FLYWCH1: variants seen among roughly 807,000 people sequenced by gnomAD.
FLYWCH1 encodes FLYWCH-type zinc finger 1.
Under a neutral mutation model 66.4 loss-of-function variants are expected in FLYWCH1, and 75 were observed. That is an observed-to-expected ratio of 1.13 (90% confidence interval 0.94 to 1.37). The LOEUF (loss-of-function observed/expected upper bound fraction) is 1.37, where lower values mean the gene tolerates loss of function less well. Among genes scored for constraint, FLYWCH1 ranks in the 40% most tolerant of loss-of-function variants. FLYWCH1 has a pLI of 0.00. For missense variants in FLYWCH1, 1,334 were observed against 1,001.8 expected, an observed-to-expected ratio of 1.33 and a Z score of -4.48; for synonymous variants, 595 against 429.9, an observed-to-expected ratio of 1.38 and a Z score of -4.75.
chr16:2,929,815 C>G lies in FLYWCH1; in HGVS notation c.130C>G (p.Leu44Val). The G allele has an allele frequency of 6.2e-7, 1 of 1,613,996 alleles. No individual in the cohort carries two copies. Among genetic ancestry groups the G allele is most frequent in the Non-Finnish European group, 8.5e-7 (1 of 1,179,894 alleles). ...GCCCAGGGAGTTCTCCAAACTGGTG[C>G]TGCTCACAGCCTCCGACCAAGATGA... ...RKPREFSKLV[L>V]LTASDQDEDG... Residue 44 changes from leucine to valine, a missense_variant, in exon 3 of 10, where the codon CTG (leucine) becomes GTG (valine). By Grantham distance (32) the Leu-to-Val change is conservative. Coordinates refer to ENST00000253928, the MANE Select transcript of FLYWCH1 (RefSeq NM_001308068.2).
At position 2,931,728 on chromosome 16, in the gene FLYWCH1, C is replaced by T. The variant is rs891431670; in HGVS notation, c.796+848C>T. The stretch of plus-strand genomic sequence containing the variant: ...TTCATGCCTGTAATCTCAGCACTTT[C>T]GGAGGCTGAGGTGGGCGGATCATGA... On this transcript the variant is annotated intron_variant, in intron 4 of 9. Coordinates refer to ENST00000253928, the MANE Select transcript of FLYWCH1 (RefSeq NM_001308068.2). 3.3e-5 allele frequency among the ~76,000 whole-genome samples: 5 copies of T among 151,168 alleles called. No individual in the cohort carries two copies. The East Asian group carries it at 7.9e-4, about 24-fold the overall frequency.
chr16:2,939,809 C>A (rs2071184110), intron 8 of FLYWCH1: 3 of 447,440 alleles, frequency 6.7e-6, no homozygotes, highest in Non-Finnish European at 1.2e-5. Context: ...TAGTTGACCC[C>A]CACTATTTTC....
At chr16:2,921,208 A>T (rs1245698462) in intron 2 of FLYWCH1, among the ~76,000 whole-genome samples, 1 of 152,190 alleles carries the variant, frequency 6.6e-6, no homozygotes, top group Non-Finnish European at 1.5e-5. Flanking sequence ...CTCCATCTAA[A>T]GTCTACAATT....
intron 2 of FLYWCH1, among the ~76,000 whole-genome samples, chr16:2,926,632 C>G (rs754599299): frequency 3.3e-5 from 5 of 152,210 alleles, no homozygotes; most frequent in African/African-American, 9.6e-5. Flanking sequence ...AGAGCCCTAC[C>G]CTGACTTTGT....
chr16:2,933,603 G>A lies in FLYWCH1; in HGVS notation c.1249+21G>A, dbSNP rs889642115. On this transcript the variant is annotated intron_variant, in intron 5 of 9. Transcript: ENST00000253928. ...CCCGGGTGAGCTGCCTTCCTTTGGG[G>A]CTCACCGGCCCTGCCTTGACTCTTG... The A allele has an allele frequency of 3.2e-6, 5 of 1,572,904 alleles. 1 individual carries two copies. The South Asian group carries it at 3.6e-5, about 11-fold the overall frequency.
At chr16:2,936,713 C>T in intron 6 of FLYWCH1, 1 of 471,030 alleles carries the variant, frequency 2.1e-6, no homozygotes, top group South Asian at 1.5e-5. Context: ...CTCTCGGGGG[C>T]CACCCCTCTC....
intron 8 of FLYWCH1, chr16:2,939,651 G>A (rs1038125428): frequency 3.5e-5 from 7 of 198,704 alleles, no homozygotes; most frequent in South Asian, 2.5e-4. Flanking sequence ...AGGCTGCAGT[G>A]AGCCATGCAC....
chr16:2,926,465 T>C (rs2150931793), intron 2 of FLYWCH1, among the ~76,000 whole-genome samples: 1 of 152,332 alleles, frequency 6.6e-6, no homozygotes, highest in East Asian at 1.9e-4. Context: ...GAATGGAAAG[T>C]TCACATTGTA....
At chr16:2,940,628 G>T (rs2071221703) in intron 9 of FLYWCH1, among the ~76,000 whole-genome samples, 1 of 152,128 alleles carries the variant, frequency 6.6e-6, no homozygotes, top group South Asian at 2.1e-4. Context: ...TAGAGATAGG[G>T]TTTTATCATG....
chr16:2,930,359 G>C (rs563596574), intron 3 of FLYWCH1, 51 bp from the exon 4 acceptor site: 60 of 1,196,712 alleles, frequency 5.0e-5, no homozygotes, highest in Non-Finnish European at 6.4e-5. Context: ...CTGTGCCTGC[G>C]ACCCTGAGCT....
chr16:2,945,108 G>A (rs1391991332), intron 9 of FLYWCH1, among the ~76,000 whole-genome samples: 2 of 152,010 alleles, frequency 1.3e-5, no homozygotes, highest in African/African-American at 4.8e-5. Context: ...CCAGCACTTT[G>A]GGAGGCTGAG....
intron 9 of FLYWCH1, among the ~76,000 whole-genome samples, chr16:2,943,795 G>C (rs2071367662): frequency 6.6e-6 from 1 of 152,040 alleles, no homozygotes; most frequent in Non-Finnish European, 1.5e-5. Flanking sequence ...AAATTAGCCA[G>C]GCGTGGTGGC....
chr16:2,933,331 C>T lies in FLYWCH1; in HGVS notation c.998C>T (p.Pro333Leu), dbSNP rs1409355991. The change falls in exon 5 of 10, where the codon CCC becomes CTC. Residue 333 changes from proline (P) to leucine (L), a missense_variant. Physicochemically the swap from Pro to Leu is moderately conservative, Grantham distance 98. Transcript: ENST00000253928. ...GTGATGCGTGGGCACTGCCACCAGC[C>T]CGATATGGAGGGCCTGGAAGCCCGG... is the stretch of plus-strand genomic sequence containing the variant. ...VTVMRGHCHQ[P>L]DMEGLEARRQ... 6.2e-7 allele frequency: 1 copy of T among 1,609,296 alleles called. No homozygotes were observed. The highest frequency in any genetic ancestry group is 8.5e-7 in the Non-Finnish European group (1 of 1,178,280).
chr16:2,916,799 C>T (rs1359008685), intron 2 of FLYWCH1, among the ~76,000 whole-genome samples: 1 of 151,828 alleles, frequency 6.6e-6, no homozygotes, highest in Admixed American at 6.6e-5. Flanking sequence ...TTGAGGTTCC[C>T]CAAAATACCC....
intron 2 of FLYWCH1, among the ~76,000 whole-genome samples, chr16:2,927,227 A>AC (rs1279474570): frequency 6.6e-6 from 1 of 152,192 alleles, no homozygotes; most frequent in Non-Finnish European, 1.5e-5. Flanking sequence ...ATCCAACAGC[A>AC]CCACCTAGTG....
intron 4 of FLYWCH1, among the ~76,000 whole-genome samples, chr16:2,931,743 G>A (rs1312520408): frequency 6.6e-6 from 1 of 151,988 alleles, no homozygotes; most frequent in Non-Finnish European, 1.5e-5. Context: ...GCTGAGGTGG[G>A]CGGATCATGA....
Position 2,938,246 on chromosome 16 carries a change from T to G in FLYWCH1, c.1840T>G (p.Ser614Ala). Reference sequence around the variant, plus strand: ...GGGGGGCAGGTTCCTGGTGCACGAGTCCTTCCTCTACAGGAAGGAGAAGGC... The same window carrying G: ...GGGGGGCAGGTTCCTGGTGCACGAGGCCTTCCTCTACAGGAAGGAGAAGGC... ...SLGGRFLVHE[S>A]FLYRKEKAAG... The change falls in exon 8 of 10, where the codon TCC (serine) becomes GCC (alanine). Residue 614 changes from serine (S) to alanine (A), a missense_variant. Ser to Ala is a moderately conservative substitution (Grantham distance 99). Transcript: ENST00000253928. The G allele has an allele frequency of 3.1e-6, 5 of 1,613,138 alleles. No homozygotes were observed. Among genetic ancestry groups the G allele is most frequent in the Non-Finnish European group, 4.2e-6 (5 of 1,179,578 alleles).
rs1044226918 is a variant in FLYWCH1 at position 2,937,281 on chromosome 16, G to T, written c.1674G>T (p.Arg558=). The change falls in exon 7 of 10, where the codon CGG becomes CGT. Residue 558 remains arginine (R), a synonymous_variant. Transcript: ENST00000253928. ...GCCGCGCCATCACCCAGGGCCGGCG[G>T]GTCATGGTCATGCGCAGGCACTGCC... The part of the protein sequence containing the change: ...CRSRAITQGR[R]VMVMRRHCHP... The T allele has an allele frequency of 1.2e-5, 20 of 1,604,856 alleles. No individual in the cohort carries two copies. Among genetic ancestry groups the T allele is most frequent in the Non-Finnish European group, 1.6e-5 (19 of 1,176,900 alleles).
intron 6 of FLYWCH1, chr16:2,934,837 C>T (rs2070931226): frequency 3.3e-6 from 1 of 302,474 alleles, no homozygotes; most frequent in Middle Eastern, 1.1e-3. Flanking sequence ...CTTGGCTGCC[C>T]TATTTCCTAA....
Sources: allele counts gnomAD v4.1 joint callset (sites outside exome capture counted in the v4.1 genomes callset), GRCh38; gene constraint gnomAD v4.1.1; transcripts MANE v1.5; gene names NCBI Gene and HGNC (gene_info 2026-07-23, HGNC 2026-07-21).